The following EIF4G3 variants were observed in gnomAD, a reference collection of about 807,000 sequenced individuals.
The protein encoded by EIF4G3 is eIF-4-gamma 3.
A neutral mutation model predicts 186.4 loss-of-function variants in EIF4G3; 34 were observed. The observed-to-expected ratio is 0.18, with a 90% CI of 0.14 to 0.24. The LOEUF is 0.24. Ranked by LOEUF, EIF4G3 falls within the 10% of genes least tolerant of loss-of-function variation. The pLI is 1.00. For synonymous variants in EIF4G3, 673 were observed against 679.5 expected (o/e 0.99, Z 0.15); for missense variants, 1,536 against 1,948.5 (o/e 0.79, Z 3.99).
intron 7 of EIF4G3, among the ~76,000 whole-genome samples, chr1:20,996,720 A>G (rs1028124080): frequency 6.6e-5 from 10 of 152,284 alleles, no homozygotes; most frequent in African/African-American, 2.2e-4. Flanking sequence ...TGCTTACACT[A>G]TTTCTAAGGC....
intron 12 of EIF4G3, among the ~76,000 whole-genome samples, chr1:20,968,045 T>A (rs1209065705): frequency 6.6e-6 from 1 of 152,216 alleles, no homozygotes; most frequent in Non-Finnish European, 1.5e-5. Flanking sequence ...CCCAAATAGC[T>A]GGGACTATCG....
At chr1:20,932,972 C>T (rs1425262861) in intron 14 of EIF4G3, among the ~76,000 whole-genome samples, 1 of 152,128 alleles carries the variant, frequency 6.6e-6, no homozygotes, top group Non-Finnish European at 1.5e-5. Flanking sequence ...CCCGTATACT[C>T]AGAAGACTCC....
At chr1:20,937,949 C>A (rs1002124005) in intron 14 of EIF4G3, among the ~76,000 whole-genome samples, 1 of 151,926 alleles carries the variant, frequency 6.6e-6, no homozygotes, top group Non-Finnish European at 1.5e-5. Flanking sequence ...TATATACACA[C>A]CAAATTCTAA....
At chr1:20,819,296 CT>C (rs1324647011) in intron 33 of EIF4G3, among the ~76,000 whole-genome samples, 1 of 150,684 alleles carries the variant, frequency 6.6e-6, no homozygotes, top group African/African-American at 2.4e-5. Context: ...ATTATTTTGC[CT>C]TTTTTTTCTT....
chr1:21,029,596 C>T (rs997500590), intron 4 of EIF4G3, among the ~76,000 whole-genome samples: 1 of 151,942 alleles, frequency 6.6e-6, no homozygotes, highest in African/African-American at 2.4e-5. Flanking sequence ...ATAGCAAGAC[C>T]TCATCACTAC....
intron 7 of EIF4G3, among the ~76,000 whole-genome samples, chr1:20,990,301 A>C (rs530927512): frequency 2.2e-4 from 34 of 152,368 alleles, no homozygotes; most frequent in Admixed American, 1.8e-3. Context: ...GCACCCATCT[A>C]CATTGAAGAC....
chr1:20,941,309 T>G (rs1357038229), intron 14 of EIF4G3, 182 bp downstream of exon 14: 2 of 1,557,720 alleles, frequency 1.3e-6, no homozygotes, highest in South Asian at 1.2e-5. Context: ...TTTTAGACAA[T>G]GGAGTAACTC....
At chr1:21,117,417 C>T (rs2096844501) in intron 2 of EIF4G3, among the ~76,000 whole-genome samples, 1 of 152,034 alleles carries the variant, frequency 6.6e-6, no homozygotes, top group South Asian at 2.1e-4. Flanking sequence ...AAACCAAATG[C>T]TGCAGTGTGG....
chr1:20,992,690 T>C (rs1250792166), intron 7 of EIF4G3, among the ~76,000 whole-genome samples: 3 of 152,224 alleles, frequency 2.0e-5, no homozygotes, highest in Non-Finnish European at 4.4e-5. Flanking sequence ...GCACAGTGTT[T>C]TGTCCTATGA....
chr1:20,872,272 G>A (rs949715897), intron 20 of EIF4G3, among the ~76,000 whole-genome samples: 3 of 144,532 alleles, frequency 2.1e-5, no homozygotes, highest in Non-Finnish European at 4.5e-5. Context: ...ACAGGTGCAT[G>A]CCACCACACC....
At chr1:20,955,112 G>A (rs555426934) in intron 12 of EIF4G3, among the ~76,000 whole-genome samples, 29 of 152,328 alleles carry the variant, frequency 1.9e-4, no homozygotes, top group African/African-American at 7.0e-4. Context: ...AGGCAGGCAG[G>A]AGTCAGGCAG....
chr1:21,051,694 A>T lies in EIF4G3; in HGVS notation c.-195-700T>A, dbSNP rs1041044220. 2.3e-4 allele frequency among the ~76,000 whole-genome samples: 35 copies of T among 151,866 alleles called. 1 individual carries two copies. Among genetic ancestry groups the T allele is most frequent in the Admixed American group, 6.6e-4 (10 of 15,234 alleles). On this transcript the variant is annotated intron_variant, in intron 3 of 36. Transcript: ENST00000602326. ...TAGCAAGACTTCAACTGTATTTTAT[A>T]AAAAAAAATTTTTTTTTCATTAGCT...
chr1:21,026,633 T>G (rs1156639166), intron 4 of EIF4G3, among the ~76,000 whole-genome samples: 2 of 151,998 alleles, frequency 1.3e-5, no homozygotes, highest in South Asian at 4.1e-4. Flanking sequence ...GAGAAAATAT[T>G]TGTAAACTGT....
Position 20,807,188 on chromosome 1 carries a change from C to A in EIF4G3, c.*131G>T. 2.9e-6 allele frequency: 2 copies of A among 698,946 alleles called. No individual in the cohort carries two copies. The highest frequency in any genetic ancestry group is 3.2e-5 in the Admixed American group (1 of 31,372). The allele number at this position is 698,946 out of a possible 1,614,324, so 43.3% of individuals were successfully genotyped here. ...ATGATCACCTTTTTTTCTCTTTCCCCTCTCCCACTCGTGCACACGTGGGGG... is the reference window on the plus strand; with the variant it reads ...ATGATCACCTTTTTTTCTCTTTCCCATCTCCCACTCGTGCACACGTGGGGG... On this transcript the variant is annotated 3_prime_UTR_variant, in exon 37 of 37. Transcript: ENST00000602326.
intron 13 of EIF4G3, among the ~76,000 whole-genome samples, chr1:20,943,066 G>A (rs1308093116): frequency 1.3e-5 from 2 of 152,158 alleles, no homozygotes; most frequent in Non-Finnish European, 2.9e-5. Flanking sequence ...AAAAGGCTGA[G>A]GTGGGAGGAT....
intron 4 of EIF4G3, among the ~76,000 whole-genome samples, chr1:21,013,770 G>A (rs2087937670): frequency 6.6e-6 from 1 of 152,202 alleles, no homozygotes; most frequent in Admixed American, 6.5e-5. Context: ...AAGACCTTAA[G>A]CCTTCACACC....
Position 20,864,995 on chromosome 1 carries a change from G to GA in EIF4G3, c.2769+120dup, listed in dbSNP as rs879163636. On this transcript the variant is annotated intron_variant, in intron 21 of 36. Coordinates refer to ENST00000602326, the MANE Select transcript of EIF4G3 (RefSeq NM_001391906.1). ...AACATTAATATGTTGTTTCTACATG[G>GA]AAAAAAAAAGGCCATAGGTCCCTCT... The GA allele has an allele frequency of 9.7e-4, 1,065 of 1,101,676 alleles. 1 individual carries two copies. Among genetic ancestry groups the GA allele is most frequent in the Non-Finnish European group, 1.2e-3 (898 of 771,312 alleles). 68.2% of individuals were successfully genotyped at this position (1,101,676 alleles called of 1,614,324 possible). A position where few individuals can be genotyped will look rare whatever the true frequency, so the allele number is the denominator to read the frequency against.
At position 21,113,888 on chromosome 1, in the gene EIF4G3, T is replaced by C. The variant is rs1363883031; in HGVS notation, c.-271-24675A>G. On this transcript the variant is annotated intron_variant, in intron 2 of 36. Transcript: ENST00000602326. ...AAAATTAGCTGGATGTGGTGGCACA[T>C]GCCTGTATTCCCAGCTACTTGGGAG... Among the ~76,000 whole-genome samples, 3 of 152,146 alleles carry C rather than the reference T, an allele frequency of 2.0e-5. No individual in the cohort carries two copies. The East Asian group carries it at 5.8e-4, about 29-fold the overall frequency.
chr1:20,876,432 CATTT>C (rs1313215882), intron 20 of EIF4G3, among the ~76,000 whole-genome samples: 1 of 111,740 alleles, frequency 8.9e-6, no homozygotes, highest in Admixed American at 9.3e-5. Flanking sequence ...CTGCCCAAAA[CATTT>C]ATTAAGTAAA....
Sources: allele counts gnomAD v4.1 joint callset (sites outside exome capture counted in the v4.1 genomes callset), GRCh38; gene constraint gnomAD v4.1.1; transcripts MANE v1.5; gene names NCBI Gene and HGNC (gene_info 2026-07-23, HGNC 2026-07-21).